TUSC3: variants seen among roughly 807,000 people sequenced by gnomAD.
The protein encoded by TUSC3 is dolichyl-diphosphooligosaccharide--protein glycosyltransferase subunit TUSC3.
A neutral mutation model predicts 44.8 loss-of-function variants in TUSC3; 45 were observed. That is an observed-to-expected ratio of 1.00 (90% confidence interval 0.79 to 1.29). TUSC3 has a LOEUF of 1.29. Ranked by LOEUF, TUSC3 falls within the 50% of genes most tolerant of loss-of-function variation. The probability of loss-of-function intolerance (pLI) is 0.00; values close to 1 mark genes in which losing one functional copy is unlikely to be tolerated. For synonymous variants in TUSC3, 212 were observed against 152.9 expected, an observed-to-expected ratio of 1.39 and a Z score of -2.85; for missense variants, 519 against 437.9, an observed-to-expected ratio of 1.19 and a Z score of -1.65.
intron 1 of TUSC3, among the ~76,000 whole-genome samples, chr8:15,444,640 T>G (rs1408137199): frequency 2.6e-5 from 4 of 152,092 alleles, no homozygotes; most frequent in Non-Finnish European, 5.9e-5. Flanking sequence ...AAGCCCCAAA[T>G]CAGAGCCCAT....
chr8:15,518,086 T>C (rs1801246761), intron 2 of TUSC3, among the ~76,000 whole-genome samples: 1 of 152,190 alleles, frequency 6.6e-6, no homozygotes. Context: ...TCTGTATATT[T>C]ACTTAGCCTG....
chr8:15,478,352 G>C (rs1800610637), intron 1 of TUSC3, among the ~76,000 whole-genome samples: 1 of 152,098 alleles, frequency 6.6e-6, no homozygotes, highest in Non-Finnish European at 1.5e-5. Context: ...TGCCATGGTA[G>C]TTTGCTGCCC....
rs186783391 is a variant in TUSC3, at chr8:15,445,563, T to C, written n.91+28258T>C. On this transcript the variant is annotated intron_variant and non_coding_transcript_variant, in intron 1 of 5. Transcript: ENST00000503191. ...TCAAGCATCTGTTTAACAAAGCACA[T>C]CTTGCACCGCCCTTAATCCATTTAA... Among the ~76,000 whole-genome samples, 466 of 152,290 alleles carry C rather than the reference T, an allele frequency of 3.1e-3. 5 individuals are homozygous for C. The highest frequency in any genetic ancestry group is 0.011 in the African/African-American group (443 of 41,570).
At chr8:15,744,496 A>G (rs1811322327) in intron 8 of TUSC3, among the ~76,000 whole-genome samples, 1 of 152,120 alleles carries the variant, frequency 6.6e-6, no homozygotes, top group Non-Finnish European at 1.5e-5. Flanking sequence ...CAGTATAGGT[A>G]TCTGAAAAAG....
chr8:15,582,539 C>G (rs1224348196), intron 1 of TUSC3, among the ~76,000 whole-genome samples: 2 of 152,064 alleles, frequency 1.3e-5, no homozygotes, highest in Non-Finnish European at 2.9e-5. Flanking sequence ...AATTAAAGCT[C>G]AAAGAGACTA....
rs182913882 is a variant in TUSC3 at position 15,493,827 on chromosome 8, T to C, written n.189+10344T>C. Among the ~76,000 whole-genome samples the C allele has an allele frequency of 1.8e-3, 268 of 152,274 alleles. 1 individual carries two copies. Among genetic ancestry groups the C allele is most frequent in the Middle Eastern group, 3.4e-3 (1 of 294 alleles). On this transcript the variant is annotated intron_variant and non_coding_transcript_variant, in intron 2 of 5. Transcript: ENST00000503191. The stretch of plus-strand genomic sequence containing the variant: ...AAGTAGCCAATTATAACCTTTCCGA[T>C]TGAGTTTGGAAACTGAAATATCAAA...
chr8:15,452,488 C>G (rs1282948698), intron 1 of TUSC3, among the ~76,000 whole-genome samples: 4 of 152,002 alleles, frequency 2.6e-5, no homozygotes, highest in African/African-American at 7.2e-5. Context: ...TCCTTAGTTT[C>G]TGCAACTTTC....
At chr8:15,501,823 C>G (rs1373172550) in intron 2 of TUSC3, among the ~76,000 whole-genome samples, 1 of 152,128 alleles carries the variant, frequency 6.6e-6, no homozygotes, top group Non-Finnish European at 1.5e-5. Flanking sequence ...AAGTTTTTAC[C>G]AAAGTCATAC....
At chr8:15,806,909 C>A in the TUSC3 span, 2 of 1,381,390 alleles carry the variant, frequency 1.4e-6, no homozygotes, top group Non-Finnish European at 2.1e-6. Flanking sequence ...CATCTGTTGA[C>A]CCACTTCTAT....
chr8:15,438,188 G>C (rs2129117964), intron 1 of TUSC3, among the ~76,000 whole-genome samples: 1 of 152,082 alleles, frequency 6.6e-6, no homozygotes, highest in East Asian at 1.9e-4. Context: ...TCCGTCTCCT[G>C]GGTTCAACTG....
rs1808782050 is a variant in TUSC3, at chr8:15,689,242, G to C, written c.798+15406G>C. ...TCTTTGCATCTGCATATATTTTCAG[G>C]CTGGATGGGAATCGATCCACTTGTG... On this transcript the variant is annotated intron_variant, in intron 6 of 10. Coordinates refer to ENST00000503731, the MANE Select transcript of TUSC3 (RefSeq NM_006765.4). 1.1e-5 allele frequency: 4 copies of C among 353,244 alleles called. No homozygotes were observed. The Admixed American group carries it at 1.3e-4, about 12-fold the overall frequency. The allele number at this position is 353,244 out of a possible 1,614,324, so 21.9% of individuals were successfully genotyped here.
At chr8:15,686,066 G>A (rs1163447334) in intron 6 of TUSC3, among the ~76,000 whole-genome samples, 1 of 151,958 alleles carries the variant, frequency 6.6e-6, no homozygotes, top group Admixed American at 6.6e-5. Flanking sequence ...TTATTTGTTT[G>A]TCACTATTAA....
chr8:15,718,804 T>C (rs34372281), intron 6 of TUSC3, among the ~76,000 whole-genome samples: 19,715 of 152,078 alleles, frequency 0.13, 1,529 homozygotes, highest in East Asian at 0.26. Flanking sequence ...AATATGTGTT[T>C]ACTGTGAATT....
intron 1 of TUSC3, among the ~76,000 whole-genome samples, chr8:15,468,085 C>G (rs941763080): frequency 6.6e-6 from 1 of 152,104 alleles, no homozygotes; most frequent in African/African-American, 2.4e-5. Flanking sequence ...TCTTAGAGCT[C>G]TAAAGTATTT....
At chr8:15,624,000 C>T (rs928152515) in intron 2 of TUSC3, among the ~76,000 whole-genome samples, 8 of 152,084 alleles carry the variant, frequency 5.3e-5, no homozygotes, top group African/African-American at 1.9e-4. Flanking sequence ...TGACCTCTGG[C>T]AATCACTAGT....
At chr8:15,777,393 A>C in the TUSC3 span, among the ~76,000 whole-genome samples, 1 of 152,256 alleles carries the variant, frequency 6.6e-6, no homozygotes, top group South Asian at 2.1e-4. Flanking sequence ...GTTACCTATA[A>C]AGGGAGATTT....
intron 1 of TUSC3, among the ~76,000 whole-genome samples, chr8:15,599,655 T>C (rs1804201368): frequency 6.6e-6 from 1 of 151,460 alleles, no homozygotes; most frequent in African/African-American, 2.4e-5. Flanking sequence ...CTAGCTGTTC[T>C]AGCATCATTT....
intron 2 of TUSC3, among the ~76,000 whole-genome samples, chr8:15,646,034 C>G (rs1017493550): frequency 5.3e-5 from 8 of 152,052 alleles, no homozygotes; most frequent in Non-Finnish European, 1.2e-4. Context: ...GTACTAGATC[C>G]TAGCCATTGG....
chr8:15,520,627 A>G (rs1230401729), intron 2 of TUSC3, among the ~76,000 whole-genome samples: 1 of 152,214 alleles, frequency 6.6e-6, no homozygotes, highest in African/African-American at 2.4e-5. Flanking sequence ...CTGGAAATAC[A>G]GAAACATATA....
Sources: allele counts gnomAD v4.1 joint callset (sites outside exome capture counted in the v4.1 genomes callset), GRCh38; gene constraint gnomAD v4.1.1; transcripts MANE v1.5; gene names NCBI Gene and HGNC (gene_info 2026-07-23, HGNC 2026-07-21).